The following ZBTB20 variants were observed in gnomAD, a reference collection of about 807,000 sequenced individuals.
The protein encoded by ZBTB20 is zinc finger and BTB domain-containing protein 20.
ZBTB20 carries 9 observed loss-of-function variants against 56.9 expected under a neutral mutation model. The ratio of observed to expected loss-of-function variants is 0.16; its 90% CI spans 0.10 to 0.28. ZBTB20 has a LOEUF of 0.28. Ranked by LOEUF, ZBTB20 falls within the 10% of genes least tolerant of loss-of-function variation. The probability of loss-of-function intolerance (pLI) is 1.00; values close to 1 mark genes in which losing one functional copy is unlikely to be tolerated. For synonymous variants in ZBTB20, 417 were observed against 420.7 expected (o/e 0.99, Z 0.11); for missense variants, 655 against 1,003.0 (o/e 0.65, Z 4.69).
intron 6 of ZBTB20, among the ~76,000 whole-genome samples, chr3:114,575,995 G>A (rs1341562321): frequency 6.6e-6 from 1 of 152,130 alleles, no homozygotes; most frequent in Non-Finnish European, 1.5e-5. Context: ...AAACAAAATG[G>A]TAGTTCATCA....
intron 6 of ZBTB20, among the ~76,000 whole-genome samples, chr3:114,660,887 G>T (rs573322017): frequency 1.3e-4 from 20 of 152,194 alleles, no homozygotes; most frequent in African/African-American, 4.6e-4. Flanking sequence ...CGGGTGGATG[G>T]GGGGTGGAGA....
intron 6 of ZBTB20, among the ~76,000 whole-genome samples, chr3:114,647,318 G>A (rs2059903470): frequency 1.3e-5 from 2 of 152,154 alleles, no homozygotes; most frequent in Admixed American, 6.5e-5. Flanking sequence ...TGGGAATAAA[G>A]GTAAAATTAT....
At chr3:114,961,878 T>C (rs1406849180) in intron 3 of ZBTB20, among the ~76,000 whole-genome samples, 1 of 152,144 alleles carries the variant, frequency 6.6e-6, no homozygotes, top group Non-Finnish European at 1.5e-5. Context: ...GGTTATTTCA[T>C]AATGTCACGA....
chr3:114,692,755 T>C (rs1436442901), intron 6 of ZBTB20, among the ~76,000 whole-genome samples: 2 of 152,138 alleles, frequency 1.3e-5, no homozygotes, highest in Non-Finnish European at 2.9e-5. Flanking sequence ...CTCCCAGTCA[T>C]GGAAATATCA....
At chr3:114,820,392 C>CAT (rs776717255) in intron 4 of ZBTB20, among the ~76,000 whole-genome samples, 3 of 151,898 alleles carry the variant, frequency 2.0e-5, no homozygotes, top group Admixed American at 6.6e-5. Context: ...CAAACAAACA[C>CAT]ATATATATAA....
rs571472797 is a variant in ZBTB20 at position 114,393,537 on chromosome 3, AG to A, written c.-254-4433del. ...TCCATCTTCTTTCCCCTTTTGCCTT[AG>A]TACACACCTGAGCGTCTATTAATCA... is the stretch of plus-strand genomic sequence containing the variant. On this transcript the variant is annotated intron_variant, in intron 7 of 11. Transcript: ENST00000675478. 3.0e-4 allele frequency among the ~76,000 whole-genome samples: 45 copies of A among 152,298 alleles called. 1 individual carries two copies. Among genetic ancestry groups the A allele is most frequent in the African/African-American group, 1.0e-3 (43 of 41,560 alleles).
At chr3:114,679,782 T>C (rs527805467) in intron 6 of ZBTB20, among the ~76,000 whole-genome samples, 1 of 152,346 alleles carries the variant, frequency 6.6e-6, no homozygotes, top group Non-Finnish European at 1.5e-5. Flanking sequence ...ATCCCATTAC[T>C]GGGTATATAC....
intron 4 of ZBTB20, among the ~76,000 whole-genome samples, chr3:114,896,816 A>T (rs1576261531): frequency 6.6e-6 from 1 of 152,136 alleles, no homozygotes; most frequent in African/African-American, 2.4e-5. Flanking sequence ...AATAATAAAA[A>T]TATCACATGA....
intron 10 of ZBTB20, among the ~76,000 whole-genome samples, chr3:114,353,964 T>C (rs1422471673): frequency 2.0e-5 from 3 of 152,216 alleles, no homozygotes; most frequent in Non-Finnish European, 2.9e-5. Context: ...TGCTTCATTA[T>C]ATTGCATAGT....
chr3:114,773,711 A>T (rs2069380435), intron 5 of ZBTB20, among the ~76,000 whole-genome samples: 1 of 152,204 alleles, frequency 6.6e-6, no homozygotes, highest in Non-Finnish European at 1.5e-5. Context: ...AAAGGCATGA[A>T]GATAATGAAC....
At position 115,115,675 on chromosome 3, in the gene ZBTB20, G is replaced by T. The variant is rs539896020; in HGVS notation, c.-703+31544C>A. Among the ~76,000 whole-genome samples the T allele has an allele frequency of 3.9e-5, 6 of 152,116 alleles. No homozygotes were observed. The East Asian group carries it at 1.2e-3, about 29-fold the overall frequency. On this transcript the variant is annotated intron_variant, in intron 1 of 11. Coordinates refer to ENST00000675478, the MANE Select transcript of ZBTB20 (RefSeq NM_001348800.3). ...GCCATTATTGCTCTTGAAGAACAGTGTTTCCAATGGTAAATATGTTTGTAT... is the reference window on the plus strand; with the variant it reads ...GCCATTATTGCTCTTGAAGAACAGTTTTTCCAATGGTAAATATGTTTGTAT...
intron 10 of ZBTB20, among the ~76,000 whole-genome samples, chr3:114,356,653 A>C (rs1283424659): frequency 6.6e-6 from 1 of 152,184 alleles, no homozygotes; most frequent in Non-Finnish European, 1.5e-5. Flanking sequence ...GCAGCTTGCC[A>C]AGTTAGTCAC....
intron 7 of ZBTB20, among the ~76,000 whole-genome samples, chr3:114,498,805 C>A (rs1193425195): frequency 6.6e-6 from 1 of 152,162 alleles, no homozygotes; most frequent in African/African-American, 2.4e-5. Context: ...TTCAACTACA[C>A]TTTTTATCTC....
At chr3:114,862,984 A>AT (rs2107499389) in intron 4 of ZBTB20, among the ~76,000 whole-genome samples, 2 of 152,264 alleles carry the variant, frequency 1.3e-5, no homozygotes, top group East Asian at 3.9e-4. Context: ...CAAGGTCCTT[A>AT]TTTCAGAACT....
At chr3:114,610,171 C>T (rs944216029) in intron 6 of ZBTB20, among the ~76,000 whole-genome samples, 1 of 152,206 alleles carries the variant, frequency 6.6e-6, no homozygotes, top group Admixed American at 6.5e-5. Flanking sequence ...GCCCTGTCTG[C>T]TCCCACTGAC....
At chr3:114,538,362 C>G (rs141508029) in intron 6 of ZBTB20, among the ~76,000 whole-genome samples, 188 of 152,200 alleles carry the variant, frequency 1.2e-3, no homozygotes, top group African/African-American at 4.3e-3. Context: ...GTAATAACTT[C>G]CTATATAGTA....
chr3:114,523,821 A>G (rs2046910059), intron 6 of ZBTB20, among the ~76,000 whole-genome samples: 1 of 152,140 alleles, frequency 6.6e-6, no homozygotes, highest in Non-Finnish European at 1.5e-5. Flanking sequence ...GAAATTTGAG[A>G]GAGGGAAAAA....
intron 5 of ZBTB20, among the ~76,000 whole-genome samples, chr3:114,748,172 T>C (rs1011846102): frequency 1.3e-5 from 2 of 152,106 alleles, no homozygotes; most frequent in African/African-American, 4.8e-5. Flanking sequence ...CCAGGAAAAG[T>C]GCTCATGATG....
At chr3:114,916,388 G>A (rs1261266295) in intron 3 of ZBTB20, among the ~76,000 whole-genome samples, 1 of 151,958 alleles carries the variant, frequency 6.6e-6, no homozygotes, top group African/African-American at 2.4e-5. Flanking sequence ...TTCCAAATAT[G>A]ATTACAGTAT....
Sources: gnomAD v4.1 joint callset for allele counts (sites outside exome capture counted in the v4.1 genomes callset) on GRCh38, gnomAD v4.1.1 for gene constraint, MANE v1.5 for transcripts, NCBI Gene and HGNC (gene_info 2026-07-23, HGNC 2026-07-21) for gene names.